The following BCL2L2 variants were observed in gnomAD, a reference collection of about 807,000 sequenced individuals.
BCL2L2 encodes the protein BCL2 like 2.
Under a neutral mutation model 14.6 loss-of-function variants are expected in BCL2L2, and 6 were observed. The observed-to-expected ratio is 0.41, with a 90% CI of 0.22 to 0.81. BCL2L2 has a LOEUF of 0.81. BCL2L2 is among the 30% of genes least tolerant of loss of function. The pLI is 0.32. For synonymous variants in BCL2L2, 90 were observed against 108.5 expected (o/e 0.83, Z 1.06); for missense variants, 191 against 260.5 (o/e 0.73, Z 1.84).
rs1056627755 is a variant in BCL2L2 at position 23,310,180 on chromosome 14, T to C, written c.*1215T>C. ...ATTTATGATTTATTTGAAGCCACAC[T>C]GTTTGCATGGGTGTTACTTGTCTGT... On this transcript the variant is annotated 3_prime_UTR_variant, in exon 4 of 4. Transcript: ENST00000250405. The C allele has an allele frequency of 9.1e-6, 9 of 985,788 alleles. No individual in the cohort carries two copies. In the African/African-American group the frequency reaches 1.0e-4, roughly 11 times the overall value. 61.1% of individuals were successfully genotyped at this position (985,788 alleles called of 1,614,324 possible).
In BCL2L2 at chr14:23,310,485, A is replaced by G. The variant is rs1279591322; in HGVS notation, c.*1520A>G. 4.8e-6 allele frequency: 5 copies of G among 1,032,984 alleles called. No homozygotes were observed. Among genetic ancestry groups the G allele is most frequent in the Non-Finnish European group, 5.8e-6 (5 of 859,566 alleles). The allele number at this position is 1,032,984 out of a possible 1,614,324, so 64.0% of individuals were successfully genotyped here. A position where few individuals can be genotyped will look rare whatever the true frequency, so the allele number is the denominator to read the frequency against. Reference sequence around the variant, plus strand: ...TTTCACTTGGTCCTAGAATGTGGCAACGTAGTTGTGCTCGCCAGAACGTGG... The same window carrying G: ...TTTCACTTGGTCCTAGAATGTGGCAGCGTAGTTGTGCTCGCCAGAACGTGG... On this transcript the variant is annotated 3_prime_UTR_variant, in exon 4 of 4. Transcript: ENST00000250405.
Position 23,311,077 on chromosome 14 carries a change from T to G in BCL2L2, c.*2112T>G. The G allele has an allele frequency of 1.6e-6, 2 of 1,289,342 alleles. No individual in the cohort carries two copies. Among genetic ancestry groups the G allele is most frequent in the Non-Finnish European group, 2.0e-6 (2 of 988,686 alleles). 79.9% of individuals were successfully genotyped at this position (1,289,342 alleles called of 1,614,324 possible). ...AGGAGCTGCAGGGACCATGGCCAGG[T>G]TACCAAAATGCCCTGCTCTGAAGCC... is the stretch of plus-strand genomic sequence containing the variant. On this transcript the variant is annotated 3_prime_UTR_variant, in exon 4 of 4. Transcript: ENST00000250405.
At chr14:23,307,627 G>T in intron 2 of BCL2L2, 133 bp from the exon 3 acceptor site, 1 of 1,210,894 alleles carries the variant, frequency 8.3e-7, no homozygotes, top group Non-Finnish European at 1.1e-6. Context: ...CCTTGTTCTT[G>T]CCTCTCCCTG....
rs1887560880 is a variant in BCL2L2, at chr14:23,310,743, G to A, written c.*1778G>A. 2 of 1,191,626 alleles carry A rather than the reference G, an allele frequency of 1.7e-6. No homozygotes were observed. The highest frequency in any genetic ancestry group is 2.1e-6 in the Non-Finnish European group (2 of 944,674). 73.8% of individuals were successfully genotyped at this position (1,191,626 alleles called of 1,614,324 possible). ...TTTTCAAACTGCTTGGCAGAGCCCT[G>A]AAGTTTCCTAGGGGTTGCCTCAGGA... is the stretch of plus-strand genomic sequence containing the variant. On this transcript the variant is annotated 3_prime_UTR_variant, in exon 4 of 4. Coordinates refer to ENST00000250405, the MANE Select transcript of BCL2L2 (RefSeq NM_004050.5).
In BCL2L2 at chr14:23,309,463, T is replaced by C; in HGVS notation, c.*498T>C. The stretch of plus-strand genomic sequence containing the variant: ...TGTGCACGCATGCTGGTGTGCATGC[T>C]GGGCTGCCTGGCAAATCTGGTGGTG... On this transcript the variant is annotated 3_prime_UTR_variant, in exon 4 of 4. Coordinates refer to ENST00000250405, the MANE Select transcript of BCL2L2 (RefSeq NM_004050.5). 1 of 986,874 alleles carries C rather than the reference T, an allele frequency of 1.0e-6. No individual in the cohort carries two copies. Among genetic ancestry groups the C allele is most frequent in the Non-Finnish European group, 1.2e-6 (1 of 830,864 alleles). The allele number at this position is 986,874 out of a possible 1,614,324, so 61.1% of individuals were successfully genotyped here.
rs1463372036 is a variant in BCL2L2 at position 23,309,732 on chromosome 14, A to C, written c.*767A>C. 2 of 985,448 alleles carry C rather than the reference A, an allele frequency of 2.0e-6. No individual in the cohort carries two copies. Among genetic ancestry groups the C allele is most frequent in the African/African-American group, 3.5e-5 (2 of 57,246 alleles). The allele number at this position is 985,448 out of a possible 1,614,324, so 61.0% of individuals were successfully genotyped here. ...CCTTCATCATCCCCCTTCCTTGTGC[A>C]TTATGCACTTGCTGCTGCCTCCTGG... On this transcript the variant is annotated 3_prime_UTR_variant, in exon 4 of 4. Coordinates refer to ENST00000250405, the MANE Select transcript of BCL2L2 (RefSeq NM_004050.5).
At position 23,308,254 on chromosome 14, in the gene BCL2L2, G is replaced by C. The variant is rs948372019; in HGVS notation, c.432+55G>C. ...CATCCTTCTGCAAAGCTGGTCTCCA[G>C]GGGGAAGATGGGGGCTCTGATTGGA... On this transcript the variant is annotated intron_variant, in intron 3 of 3. Coordinates refer to ENST00000250405, the MANE Select transcript of BCL2L2 (RefSeq NM_004050.5). This position sits in a 1 kb window ranked among gnomAD's most constrained non-coding sequence, Gnocchi z 5.4. 6.0e-6 allele frequency: 9 copies of C among 1,506,988 alleles called. No individual in the cohort carries two copies. Among genetic ancestry groups the C allele is most frequent in the African/African-American group, 1.4e-5 (1 of 71,598 alleles). The allele number at this position is 1,506,988 out of a possible 1,614,324, so 93.4% of individuals were successfully genotyped here. A position where few individuals can be genotyped will look rare whatever the true frequency, so the allele number is the denominator to read the frequency against.
chr14:23,309,175 A>T lies in BCL2L2; in HGVS notation c.*210A>T. On this transcript the variant is annotated 3_prime_UTR_variant, in exon 4 of 4. Transcript: ENST00000250405. ...CAGAGGGGAGGGGAATGTTTTGGCA[A>T]GTTTAGGGGCACAGGAGATGTAGTC... The T allele has an allele frequency of 1.0e-6, 1 of 1,003,398 alleles. No homozygotes were observed. Among genetic ancestry groups the T allele is most frequent in the Non-Finnish European group, 1.2e-6 (1 of 844,658 alleles). 62.2% of individuals were successfully genotyped at this position (1,003,398 alleles called of 1,614,324 possible). A position where few individuals can be genotyped will look rare whatever the true frequency, so the allele number is the denominator to read the frequency against.
In BCL2L2 at chr14:23,307,868, G is replaced by T; in HGVS notation, c.101G>T (p.Gly34Val). The change falls in exon 3 of 4, where the codon GGG (glycine) becomes GTG (valine). Residue 34 changes from glycine (G) to valine (V), a missense_variant. Coordinates refer to ENST00000250405, the MANE Select transcript of BCL2L2 (RefSeq NM_004050.5). Reference protein sequence around the residue: ...QKGYVCGAGPGEGPAADPLHQ... With the variant: ...QKGYVCGAGPVEGPAADPLHQ... ...GGTTATGTCTGTGGAGCTGGCCCCGGGGAGGGCCCAGCAGCTGACCCGCTG... is the reference window on the plus strand; with the variant it reads ...GGTTATGTCTGTGGAGCTGGCCCCGTGGAGGGCCCAGCAGCTGACCCGCTG... The T allele has an allele frequency of 6.2e-7, 1 of 1,611,732 alleles. No homozygotes were observed. Among genetic ancestry groups the T allele is most frequent in the South Asian group, 1.1e-5 (1 of 90,808 alleles).
Position 23,308,444 on chromosome 14 carries a change from C to T in BCL2L2, c.432+245C>T, listed in dbSNP as rs1212209722. Among the ~76,000 whole-genome samples the T allele has an allele frequency of 6.6e-6, 1 of 152,054 alleles. No homozygotes were observed. The highest frequency in any genetic ancestry group is 2.4e-5 in the African/African-American group (1 of 41,368). Reference sequence around the variant, plus strand: ...GGACAGAATACACACCCAAGGAGTGCCTGCAGGGGAATGTTGTCAGGGACT... The same window carrying T: ...GGACAGAATACACACCCAAGGAGTGTCTGCAGGGGAATGTTGTCAGGGACT... On this transcript the variant is annotated intron_variant, in intron 3 of 3. Transcript: ENST00000250405. The surrounding 1 kb of genome is among the most constrained non-coding windows in gnomAD (Gnocchi z 5.4).
Position 23,309,945 on chromosome 14 carries a change from C to T in BCL2L2, c.*980C>T, listed in dbSNP as rs1466923237. 2.0e-6 allele frequency: 2 copies of T among 985,326 alleles called. No homozygotes were observed. Among genetic ancestry groups the T allele is most frequent in the South Asian group, 4.7e-5 (1 of 21,288 alleles). 61.0% of individuals were successfully genotyped at this position (985,326 alleles called of 1,614,324 possible). A position where few individuals can be genotyped will look rare whatever the true frequency, so the allele number is the denominator to read the frequency against. On this transcript the variant is annotated 3_prime_UTR_variant, in exon 4 of 4. Transcript: ENST00000250405. Reference sequence around the variant, plus strand: ...CTAATTTTCCTTTTGAGGTTGTGGGCATAAGTGCTGATCTAGAATACAGTC... The same window carrying T: ...CTAATTTTCCTTTTGAGGTTGTGGGTATAAGTGCTGATCTAGAATACAGTC...
At position 23,308,345 on chromosome 14, in the gene BCL2L2, T is replaced by TG. The variant is rs1268132479; in HGVS notation, c.432+147dup. 8.1e-7 allele frequency: 1 copy of TG among 1,228,840 alleles called. No homozygotes were observed. Among genetic ancestry groups the TG allele is most frequent in the African/African-American group, 1.5e-5 (1 of 65,372 alleles). 76.1% of individuals were successfully genotyped at this position (1,228,840 alleles called of 1,614,324 possible). The stretch of plus-strand genomic sequence containing the variant: ...TCTCCCCGTCTGGATGGAATTAGAT[T>TG]GAGAGATGCCTGGACTCTGCACTCC... On this transcript the variant is annotated intron_variant, in intron 3 of 3. Coordinates refer to ENST00000250405, the MANE Select transcript of BCL2L2 (RefSeq NM_004050.5). The surrounding 1 kb of genome is among the most constrained non-coding windows in gnomAD (Gnocchi z 5.4).
At position 23,309,595 on chromosome 14, in the gene BCL2L2, C is replaced by G. The variant is rs1170705840; in HGVS notation, c.*630C>G. 1 of 985,466 alleles carries G rather than the reference C, an allele frequency of 1.0e-6. No individual in the cohort carries two copies. Among genetic ancestry groups the G allele is most frequent in the African/African-American group, 1.7e-5 (1 of 57,254 alleles). 61.0% of individuals were successfully genotyped at this position (985,466 alleles called of 1,614,324 possible). ...CCTTTCCCCTGCCCTTGTCCTGATG[C>G]CTCAAGGCTTAGAGAGAAACATTGT... is the stretch of plus-strand genomic sequence containing the variant. On this transcript the variant is annotated 3_prime_UTR_variant, in exon 4 of 4. Coordinates refer to ENST00000250405, the MANE Select transcript of BCL2L2 (RefSeq NM_004050.5).
rs774436930 is a variant in BCL2L2 at position 23,309,116 on chromosome 14, G to C, written c.*151G>C. 3.9e-5 allele frequency: 49 copies of C among 1,246,898 alleles called. No homozygotes were observed. The highest frequency in any genetic ancestry group is 4.8e-5 in the Non-Finnish European group (47 of 989,286). The allele number at this position is 1,246,898 out of a possible 1,614,324, so 77.2% of individuals were successfully genotyped here. A position where few individuals can be genotyped will look rare whatever the true frequency, so the allele number is the denominator to read the frequency against. ...GGGTAGTGTGTGAGGGAGCTGAGTA[G>C]GCCAGGTAGGCGATTGGAAGAGTGA... On this transcript the variant is annotated 3_prime_UTR_variant, in exon 4 of 4. Transcript: ENST00000250405.
chr14:23,307,794 C>A lies in BCL2L2; in HGVS notation c.27C>A (p.Asp9Glu). The change falls in exon 3 of 4, where the codon GAC becomes GAA. Residue 9 changes from aspartate (D) to glutamate (E), a missense_variant. Coordinates refer to ENST00000250405, the MANE Select transcript of BCL2L2 (RefSeq NM_004050.5). MATPASAP[D>E]TRALVADFVG... ...TGGCGACCCCAGCCTCGGCCCCAGA[C>A]ACACGGGCTCTGGTGGCAGACTTTG... The A allele has an allele frequency of 6.5e-7, 1 of 1,537,716 alleles. No individual in the cohort carries two copies. Among genetic ancestry groups the A allele is most frequent in the Non-Finnish European group, 8.7e-7 (1 of 1,144,072 alleles).
rs372893522 is a variant in BCL2L2, at chr14:23,308,314, G to A, written c.432+115G>A. ...AGCTATGTTGGGAATGAGGTACGGG[G>A]CTGAGTCTCCCCGTCTGGATGGAAT... On this transcript the variant is annotated intron_variant, in intron 3 of 3. Transcript: ENST00000250405. This position sits in a 1 kb window ranked among gnomAD's most constrained non-coding sequence, Gnocchi z 5.4. The A allele has an allele frequency of 1.9e-4, 262 of 1,384,302 alleles. 3 individuals carry two copies. The highest frequency in any genetic ancestry group is 1.8e-3 in the East Asian group (73 of 39,906). 85.8% of individuals were successfully genotyped at this position (1,384,302 alleles called of 1,614,324 possible).
In BCL2L2 at chr14:23,309,233, G is replaced by A. The variant is rs186099381; in HGVS notation, c.*268G>A. On this transcript the variant is annotated 3_prime_UTR_variant, in exon 4 of 4. Transcript: ENST00000250405. Reference sequence around the variant, plus strand: ...GGCTGGGGGAGGTGGGAGGGATCACGCCTATAGGTGTGGGCACATGAAACG... The same window carrying A: ...GGCTGGGGGAGGTGGGAGGGATCACACCTATAGGTGTGGGCACATGAAACG... 4.4e-5 allele frequency: 53 copies of A among 1,193,554 alleles called. No individual in the cohort carries two copies. The East Asian group carries it at 7.8e-4, about 18-fold the overall frequency. 73.9% of individuals were successfully genotyped at this position (1,193,554 alleles called of 1,614,324 possible).
At position 23,311,189 on chromosome 14, in the gene BCL2L2, A is replaced by C; in HGVS notation, c.*2224A>C. ...CCAGAAGCATAGCTTAGATGGGACC[A>C]CAGTGGGCAATTTTGACCTGTCCTG... is the stretch of plus-strand genomic sequence containing the variant. On this transcript the variant is annotated 3_prime_UTR_variant, in exon 4 of 4. Transcript: ENST00000250405. 7.9e-7 allele frequency: 1 copy of C among 1,266,860 alleles called. No individual in the cohort carries two copies. The highest frequency in any genetic ancestry group is 1.0e-6 in the Non-Finnish European group (1 of 983,506). The allele number at this position is 1,266,860 out of a possible 1,614,324, so 78.5% of individuals were successfully genotyped here.
chr14:23,311,593 G>T lies in BCL2L2; in HGVS notation c.*2628G>T. ...ATCATAAAACGGCAGAACAGATTTGGTTAGTTTAGAAGAAAAGAAAGCTCT... is the reference window on the plus strand; with the variant it reads ...ATCATAAAACGGCAGAACAGATTTGTTTAGTTTAGAAGAAAAGAAAGCTCT... On this transcript the variant is annotated 3_prime_UTR_variant, in exon 4 of 4. Coordinates refer to ENST00000250405, the MANE Select transcript of BCL2L2 (RefSeq NM_004050.5). 1 of 982,484 alleles carries T rather than the reference G, an allele frequency of 1.0e-6. No individual in the cohort carries two copies. The highest frequency in any genetic ancestry group is 1.2e-6 in the Non-Finnish European group (1 of 827,308). 60.9% of individuals were successfully genotyped at this position (982,484 alleles called of 1,614,324 possible).
Sources: allele counts gnomAD v4.1 joint callset (sites outside exome capture counted in the v4.1 genomes callset), GRCh38; gene constraint gnomAD v4.1.1; non-coding constraint Gnocchi (gnomAD v3.1); transcripts MANE v1.5; gene names NCBI Gene and HGNC (gene_info 2026-07-23, HGNC 2026-07-21).